Variants in BST1 observed in about 807,000 individuals in gnomAD.
The protein encoded by BST1 is ADP-ribosyl cyclase/cyclic ADP-ribose hydrolase 2.
In BST1, 49 loss-of-function variants were observed where a neutral mutation model predicts 40.6. The ratio of observed to expected loss-of-function variants is 1.21; its 90% CI spans 0.96 to 1.53. The LOEUF (loss-of-function observed/expected upper bound fraction) is 1.53, where lower values mean the gene tolerates loss of function less well. Ranked by LOEUF, BST1 falls within the 40% of genes most tolerant of loss-of-function variation. The pLI, the probability that BST1 is intolerant of heterozygous loss-of-function variation, is 0.00. For synonymous variants in BST1, 157 were observed against 159.3 expected (o/e 0.99, Z 0.11); for missense variants, 423 against 395.9 (o/e 1.07, Z -0.58).
At chr4:15,763,504 A>C in the BST1 span, among the ~76,000 whole-genome samples, 23 of 152,086 alleles carry the variant, frequency 1.5e-4, 1 homozygote, top group African/African-American at 5.6e-4. Flanking sequence ...TTATAACCTG[A>C]AAAATTATTT....
chr4:15,771,393 G>A, the BST1 span, among the ~76,000 whole-genome samples: 1 of 152,222 alleles, frequency 6.6e-6, no homozygotes. Flanking sequence ...ATATACCACA[G>A]TGTTAGACGT....
chr4:15,746,036 T>A, the BST1 span, among the ~76,000 whole-genome samples: 1 of 152,200 alleles, frequency 6.6e-6, no homozygotes, highest in Non-Finnish European at 1.5e-5. Flanking sequence ...GTTACCTGCA[T>A]AGTCAAGGTG....
chr4:15,721,654 C>T (rs1451427876), intron 7 of BST1, among the ~76,000 whole-genome samples: 4 of 51,318 alleles, frequency 7.8e-5, no homozygotes, highest in Non-Finnish European at 1.1e-4. Flanking sequence ...TGGGGCCTGT[C>T]GTGGGGTAGG....
intron 1 of BST1, among the ~76,000 whole-genome samples, chr4:15,704,182 T>G (rs1719742788): frequency 1.5e-5 from 2 of 136,254 alleles, no homozygotes; most frequent in Non-Finnish European, 3.1e-5. Context: ...AGGTGAGGGG[T>G]GTGTGTGTTC....
At chr4:15,715,631 A>G (rs1720469677) in intron 5 of BST1, 76 bp from the exon 6 acceptor site, 3 of 1,063,456 alleles carry the variant, frequency 2.8e-6, no homozygotes, top group Non-Finnish European at 4.1e-6. Context: ...TTTTTTTAAG[A>G]AAGGTAATGT....
chr4:15,728,449 C>CT (rs974237825), intron 8 of BST1, among the ~76,000 whole-genome samples: 17,209 of 119,582 alleles, frequency 0.14, 1,506 homozygotes, highest in African/African-American at 0.17. Flanking sequence ...AATTCTTTTT[C>CT]TTTTTTTTTT....
the BST1 span, among the ~76,000 whole-genome samples, chr4:15,756,999 T>C: frequency 6.6e-6 from 1 of 152,230 alleles, no homozygotes; most frequent in African/African-American, 2.4e-5. Flanking sequence ...TTAAGTTTCT[T>C]GTAAAAGAAA....
chr4:15,770,083 G>A, the BST1 span, among the ~76,000 whole-genome samples: 15 of 152,170 alleles, frequency 9.9e-5, no homozygotes, highest in South Asian at 8.3e-4. Context: ...CAAGTGATCC[G>A]CCCACCTTGG....
downstream of BST1, among the ~76,000 whole-genome samples, chr4:15,739,554 CGTGTGTGTGT>C (rs58171340): frequency 3.2e-3 from 465 of 144,044 alleles, 4 homozygotes; most frequent in East Asian, 0.031. Flanking sequence ...GAAGCCAAAC[CGTGTGTGTGT>C]GTGTGTGTGT....
At chr4:15,717,402 C>T (rs60938249) in intron 6 of BST1, among the ~76,000 whole-genome samples, 4,601 of 152,122 alleles carry the variant, frequency 0.03, 200 homozygotes, top group East Asian at 0.23. Context: ...TGTAATATAC[C>T]GTGCCTAATA....
intron 8 of BST1, among the ~76,000 whole-genome samples, chr4:15,728,724 C>A (rs1270112373): frequency 6.7e-6 from 1 of 150,298 alleles, no homozygotes; most frequent in East Asian, 1.9e-4. Context: ...CTCATCACTG[C>A]AGCCTCCACC....
At chr4:15,763,537 A>G in the BST1 span, among the ~76,000 whole-genome samples, 1 of 151,940 alleles carries the variant, frequency 6.6e-6, no homozygotes, top group Non-Finnish European at 1.5e-5. Context: ...ACTTTTTACG[A>G]AGGAATGTCT....
chr4:15,735,290 T>A (rs1460291032), downstream of BST1, among the ~76,000 whole-genome samples: 1 of 152,232 alleles, frequency 6.6e-6, no homozygotes, highest in Non-Finnish European at 1.5e-5. Flanking sequence ...TTTGGGTCCT[T>A]GCCTAACTTC....
At chr4:15,725,277 C>T (rs1245352638) in intron 8 of BST1, among the ~76,000 whole-genome samples, 2 of 152,184 alleles carry the variant, frequency 1.3e-5, no homozygotes, top group Non-Finnish European at 2.9e-5. Context: ...TCAAAATTCA[C>T]TCTGGCAGAT....
In BST1 at chr4:15,705,606, A is replaced by G. The variant is rs139563068; in HGVS notation, c.280A>G (p.Ile94Val). 2.5e-6 allele frequency: 4 copies of G among 1,613,976 alleles called. No homozygotes were observed. In the African/African-American group the frequency reaches 4.0e-5, roughly 16 times the overall value. ...GCTGCCCTCAGACTATGACCTTTTT[A>G]TTAACTTGTCCAGGCACTCTATTCC... Reference protein sequence around the residue: ...SVLPSDYDLFINLSRHSIPRD... With the variant: ...SVLPSDYDLFVNLSRHSIPRD... The change falls in exon 2 of 9, where the codon ATT (isoleucine) becomes GTT (valine). Residue 94 changes from isoleucine to valine, a missense_variant. Ile to Val is a conservative substitution (Grantham distance 29). Transcript: ENST00000265016.
At chr4:15,727,830 A>G (rs1560287408) in intron 8 of BST1, among the ~76,000 whole-genome samples, 2 of 152,038 alleles carry the variant, frequency 1.3e-5, no homozygotes, top group African/African-American at 2.4e-5. Flanking sequence ...AGCATTCTTT[A>G]TAATACTGAA....
chr4:15,726,051 T>A (rs1721091836), intron 8 of BST1, among the ~76,000 whole-genome samples: 2 of 137,488 alleles, frequency 1.5e-5, no homozygotes, highest in Admixed American at 8.2e-5. Flanking sequence ...AGGTTTGACC[T>A]CCTGGGCTCA....
At position 15,729,460 on chromosome 4, in the gene BST1, G is replaced by GAAT. The variant is rs542522170; in HGVS notation, c.852-2262_852-2260dup. Among the ~76,000 whole-genome samples the GAAT allele has an allele frequency of 5.7e-4, 86 of 151,858 alleles. No individual in the cohort carries two copies. In the South Asian group the frequency reaches 0.011, roughly 20 times the overall value. On this transcript the variant is annotated intron_variant, in intron 8 of 8. Coordinates refer to ENST00000265016, the MANE Select transcript of BST1 (RefSeq NM_004334.3). Reference sequence around the variant, plus strand: ...TGACAGAATGAGACCCTGTCTCAAAGAATAATAATAATAATAATAACTTAA... The same window carrying GAAT: ...TGACAGAATGAGACCCTGTCTCAAAGAATAATAATAATAATAATAATAACTTAA...
chr4:15,710,052 A>G (rs1280743088), intron 3 of BST1, among the ~76,000 whole-genome samples: 2 of 152,016 alleles, frequency 1.3e-5, no homozygotes, highest in African/African-American at 4.8e-5. Flanking sequence ...AGCTCATTGC[A>G]GCCTTGAACT....
Sources: allele counts gnomAD v4.1 joint callset (sites outside exome capture counted in the v4.1 genomes callset), GRCh38; gene constraint gnomAD v4.1.1; transcripts MANE v1.5; gene names NCBI Gene and HGNC (gene_info 2026-07-23, HGNC 2026-07-21).